Variants in PTPRD observed in about 807,000 individuals in gnomAD.
The protein encoded by PTPRD is protein tyrosine phosphatase receptor type D.
Under a neutral mutation model 214.5 loss-of-function variants are expected in PTPRD, and 34 were observed. The observed-to-expected ratio is 0.16, with a 90% CI of 0.12 to 0.21. The LOEUF is 0.21. PTPRD is among the 10% of genes least tolerant of loss of function. PTPRD has a pLI of 1.00. For synonymous variants in PTPRD, 1,128 were observed against 845.7 expected (o/e 1.33, Z -5.79); for missense variants, 2,545 against 2,398.7 (o/e 1.06, Z -1.27).
At chr9:8,541,282 T>C (rs897628620) in intron 14 of PTPRD, among the ~76,000 whole-genome samples, 3 of 152,194 alleles carry the variant, frequency 2.0e-5, no homozygotes, top group African/African-American at 7.2e-5. Context: ...CAGGCTGGAC[T>C]GCAATGGTGC....
chr9:10,409,335 C>T (rs1285578824), intron 2 of PTPRD, among the ~76,000 whole-genome samples: 1 of 151,716 alleles, frequency 6.6e-6, no homozygotes, highest in Non-Finnish European at 1.5e-5. Context: ...AATGGTATAG[C>T]TTTAATAAGC....
chr9:10,554,439 GTAAT>G (rs1052235509), intron 2 of PTPRD, among the ~76,000 whole-genome samples: 10 of 151,950 alleles, frequency 6.6e-5, no homozygotes. Context: ...AACTTTCAGA[GTAAT>G]TACTCTCTTC....
rs1206780209 is a variant in PTPRD at position 8,513,467 on chromosome 9, T to A, written c.1543+4381A>T. ...TCAAACAAAAACAGGAATGTGAATG[T>A]CACAGAATGAAAGATAATAAAATTA... On this transcript the variant is annotated intron_variant, in intron 21 of 45. Coordinates refer to ENST00000381196, the MANE Select transcript of PTPRD (RefSeq NM_002839.4). Among the ~76,000 whole-genome samples, 7 of 152,162 alleles carry A rather than the reference T, an allele frequency of 4.6e-5. No homozygotes were observed. The East Asian group carries it at 1.4e-3, about 29-fold the overall frequency.
intron 5 of PTPRD, among the ~76,000 whole-genome samples, chr9:9,840,761 CAAAAAAAAAAAAAAAAAAAAAA>C (rs59780411): frequency 2.1e-4 from 13 of 61,620 alleles, no homozygotes; most frequent in East Asian, 7.3e-4. Flanking sequence ...GACTCCGTTT[CAAAAAAAAAAAAAAAAAAAAAA>C]AAAAAAAAAA....
chr9:10,289,504 A>C (rs2095467715), intron 3 of PTPRD, among the ~76,000 whole-genome samples: 1 of 152,154 alleles, frequency 6.6e-6, no homozygotes, highest in Admixed American at 6.6e-5. Context: ...TATGACGAGA[A>C]ATTTGTCTTG....
chr9:10,452,398 C>G (rs1011144153), intron 2 of PTPRD, among the ~76,000 whole-genome samples: 6 of 151,446 alleles, frequency 4.0e-5, no homozygotes, highest in Non-Finnish European at 7.4e-5. Context: ...GAAGATCATT[C>G]ATACTTTTTC....
intron 11 of PTPRD, among the ~76,000 whole-genome samples, chr9:8,736,481 G>C (rs975130497): frequency 6.6e-6 from 1 of 152,056 alleles, no homozygotes; most frequent in African/African-American, 2.4e-5. Flanking sequence ...AAATACTAGA[G>C]ATATCCAGCA....
chr9:9,454,437 G>A (rs1483987088), intron 8 of PTPRD, among the ~76,000 whole-genome samples: 3 of 151,550 alleles, frequency 2.0e-5, no homozygotes, highest in Non-Finnish European at 4.4e-5. Context: ...ATTATTCCCA[G>A]GCACTACAGT....
At chr9:9,182,203 T>C (rs1256848871) in intron 10 of PTPRD, among the ~76,000 whole-genome samples, 2 of 152,078 alleles carry the variant, frequency 1.3e-5, no homozygotes, top group Non-Finnish European at 2.9e-5. Flanking sequence ...AGTTATCATC[T>C]TATTTGACTT....
rs181801056 is a variant in PTPRD, at chr9:8,431,864, C to T, written c.4086+4728G>A. 4.6e-5 allele frequency among the ~76,000 whole-genome samples: 7 copies of T among 152,190 alleles called. No individual in the cohort carries two copies. The South Asian group carries it at 8.3e-4, about 18-fold the overall frequency. On this transcript the variant is annotated intron_variant, in intron 35 of 45. Coordinates refer to ENST00000381196, the MANE Select transcript of PTPRD (RefSeq NM_002839.4). The stretch of plus-strand genomic sequence containing the variant: ...TCATAAAATGAGTTAGGGAGGAGTC[C>T]CTCTTTTTCTATTGTTTGTAATAGT...
At chr9:8,940,844 G>GATC (rs1249809775) in intron 11 of PTPRD, among the ~76,000 whole-genome samples, 1 of 141,288 alleles carries the variant, frequency 7.1e-6, no homozygotes, top group African/African-American at 2.5e-5. Context: ...TGATGATGAT[G>GATC]ATGATGATGA....
intron 10 of PTPRD, among the ~76,000 whole-genome samples, chr9:9,131,593 G>C (rs940113679): frequency 1.3e-5 from 2 of 152,130 alleles, no homozygotes; most frequent in Non-Finnish European, 2.9e-5. Context: ...TCATTTTACA[G>C]AGAAGTACAC....
chr9:9,703,662 C>G (rs920035096), intron 7 of PTPRD, among the ~76,000 whole-genome samples: 1 of 151,954 alleles, frequency 6.6e-6, no homozygotes, highest in Non-Finnish European at 1.5e-5. Context: ...TTGATTTGTT[C>G]TGTACAGTTT....
intron 11 of PTPRD, among the ~76,000 whole-genome samples, chr9:8,892,961 T>C (rs565451027): frequency 6.6e-6 from 1 of 152,228 alleles, no homozygotes; most frequent in South Asian, 2.1e-4. Context: ...TAAGATGTCA[T>C]TGATAATCTT....
At chr9:8,891,956 A>T (rs1430745189) in intron 11 of PTPRD, among the ~76,000 whole-genome samples, 1 of 152,176 alleles carries the variant, frequency 6.6e-6, no homozygotes, top group Non-Finnish European at 1.5e-5. Context: ...CCTTGTGATT[A>T]TCTTCCCCTT....
intron 3 of PTPRD, among the ~76,000 whole-genome samples, chr9:10,088,266 C>T (rs2098381586): frequency 6.6e-6 from 1 of 151,722 alleles, no homozygotes; most frequent in South Asian, 2.1e-4. Flanking sequence ...GAAATTTCTT[C>T]TTTACCTAAA....
At chr9:9,935,255 T>C (rs1343354288) in intron 5 of PTPRD, among the ~76,000 whole-genome samples, 6 of 151,868 alleles carry the variant, frequency 4.0e-5, no homozygotes, top group Non-Finnish European at 7.4e-5. Context: ...AAATAAAGGG[T>C]ATTCAATTAG....
chr9:9,779,825 G>C (rs955223141), intron 5 of PTPRD, among the ~76,000 whole-genome samples: 8 of 152,146 alleles, frequency 5.3e-5, no homozygotes, highest in African/African-American at 1.4e-4. Context: ...AATTAGTTCA[G>C]CCACTTGGGG....
chr9:8,512,355 A>G (rs561434852), intron 21 of PTPRD, among the ~76,000 whole-genome samples: 2 of 152,228 alleles, frequency 1.3e-5, no homozygotes, highest in African/African-American at 4.8e-5. Flanking sequence ...AATGAGAAAA[A>G]GTTAAATTTT....
Sources: allele counts gnomAD v4.1 joint callset (sites outside exome capture counted in the v4.1 genomes callset), GRCh38; gene constraint gnomAD v4.1.1; transcripts MANE v1.5; gene names NCBI Gene and HGNC (gene_info 2026-07-23, HGNC 2026-07-21).